Variants in IMPG1 observed in about 807,000 individuals in gnomAD.
IMPG1 encodes the protein interphotoreceptor matrix proteoglycan 1, also known as interphotoreceptor matrix proteoglycan of 150 kDa.
A neutral mutation model predicts 92.0 loss-of-function variants in IMPG1; 85 were observed. The ratio of observed to expected loss-of-function variants is 0.92; its 90% CI spans 0.78 to 1.11. The LOEUF is 1.11. Among genes scored for constraint, IMPG1 ranks in the 50% least tolerant of loss-of-function variants. IMPG1 has a pLI of 0.00. For missense variants in IMPG1, 1,022 were observed against 956.0 expected, an observed-to-expected ratio of 1.07 and a Z score of -0.91; for synonymous variants, 367 against 334.1, an observed-to-expected ratio of 1.10 and a Z score of -1.08.
intron 7 of IMPG1, among the ~76,000 whole-genome samples, chr6:76,015,619 G>A (rs1582105586): frequency 6.6e-6 from 1 of 151,762 alleles, no homozygotes; most frequent in South Asian, 2.1e-4. Context: ...TGATCAACAC[G>A]GTGAACTCCT....
At chr6:76,042,305 A>T (rs1783858830) in intron 1 of IMPG1, among the ~76,000 whole-genome samples, 179 bp from the exon 2 acceptor site, 1 of 152,150 alleles carries the variant, frequency 6.6e-6, no homozygotes, top group South Asian at 2.1e-4. Flanking sequence ...GAAATAAGAG[A>T]ATAGTATAAT....
At chr6:76,028,599 G>T (rs1398885106) in intron 4 of IMPG1, among the ~76,000 whole-genome samples, 1 of 152,190 alleles carries the variant, frequency 6.6e-6, no homozygotes, top group African/African-American at 2.4e-5. Flanking sequence ...GGAGGCCGAG[G>T]CGGGTGGATC....
At chr6:75,930,138 C>T (rs6911057) in intron 15 of IMPG1, among the ~76,000 whole-genome samples, 1 of 152,122 alleles carries the variant, frequency 6.6e-6, no homozygotes, top group African/African-American at 2.4e-5. Flanking sequence ...AATAGAGAGG[C>T]CTTTGTATCT....
At chr6:75,945,266 G>C (rs1781905349) in intron 14 of IMPG1, among the ~76,000 whole-genome samples, 2 of 151,430 alleles carry the variant, frequency 1.3e-5, no homozygotes. Context: ...ACTAGAATTT[G>C]TCAAGTGCTA....
chr6:75,939,011 T>C (rs1187671873), intron 14 of IMPG1, among the ~76,000 whole-genome samples: 2 of 152,086 alleles, frequency 1.3e-5, no homozygotes, highest in East Asian at 3.9e-4. Context: ...AACTTTTGCT[T>C]TGTGTGTGTA....
At chr6:75,979,034 T>A (rs751963959) in intron 12 of IMPG1, among the ~76,000 whole-genome samples, 4 of 152,012 alleles carry the variant, frequency 2.6e-5, no homozygotes, top group Non-Finnish European at 4.4e-5. Context: ...CACCCCAGCC[T>A]CCCAGGTAGG....
chr6:75,966,287 G>T (rs1459799904), intron 12 of IMPG1, among the ~76,000 whole-genome samples: 1 of 152,060 alleles, frequency 6.6e-6, no homozygotes, highest in African/African-American at 2.4e-5. Flanking sequence ...TAAAAATATA[G>T]ACTAAATATG....
chr6:75,922,783 G>A (rs1474499941), intron 16 of IMPG1, among the ~76,000 whole-genome samples: 2 of 151,994 alleles, frequency 1.3e-5, no homozygotes, highest in East Asian at 3.9e-4. Context: ...AAACCAAAGT[G>A]GCACACATTC....
chr6:76,062,901 G>T (rs1582138430), intron 1 of IMPG1, among the ~76,000 whole-genome samples: 2 of 149,976 alleles, frequency 1.3e-5, no homozygotes, highest in East Asian at 3.9e-4. Context: ...GGAGAGAATG[G>T]ATGCCAGTTC....
chr6:75,994,361 T>C (rs1375566272), intron 12 of IMPG1, among the ~76,000 whole-genome samples: 1 of 152,226 alleles, frequency 6.6e-6, no homozygotes, highest in Non-Finnish European at 1.5e-5. Context: ...TCCATTTACC[T>C]ATTTATCTAT....
chr6:75,930,913 A>G (rs112748181), intron 15 of IMPG1, 40 bp downstream of exon 15: 1 of 1,537,240 alleles, frequency 6.5e-7, no homozygotes, highest in Non-Finnish European at 9.0e-7. Flanking sequence ...AGTGTAAGTA[A>G]TGAGTTCTTG....
chr6:76,010,066 A>G (rs940472810), intron 8 of IMPG1, among the ~76,000 whole-genome samples: 8 of 152,264 alleles, frequency 5.3e-5, no homozygotes, highest in Admixed American at 3.3e-4. Flanking sequence ...TAAGGGTTTC[A>G]TCTTTTATAA....
chr6:75,972,165 G>A (rs1562353351), intron 12 of IMPG1, among the ~76,000 whole-genome samples: 1 of 152,054 alleles, frequency 6.6e-6, no homozygotes, highest in East Asian at 1.9e-4. Context: ...TCTTTGTTGT[G>A]CAGTACTGTC....
intron 8 of IMPG1, among the ~76,000 whole-genome samples, chr6:76,010,003 A>G (rs1783156310): frequency 6.6e-6 from 1 of 152,262 alleles, no homozygotes; most frequent in Non-Finnish European, 1.5e-5. Context: ...CACAGAAAAT[A>G]CTACCGAGCA....
intron 16 of IMPG1, among the ~76,000 whole-genome samples, 188 bp from the exon 17 acceptor site, chr6:75,922,354 C>G (rs1781444172): frequency 6.6e-6 from 1 of 152,146 alleles, no homozygotes; most frequent in Admixed American, 6.6e-5. Context: ...ACTCCATGCC[C>G]TCTTAAGCCT....
intron 14 of IMPG1, among the ~76,000 whole-genome samples, chr6:75,944,699 G>A (rs1278506140): frequency 6.6e-6 from 1 of 152,202 alleles, no homozygotes; most frequent in East Asian, 1.9e-4. Flanking sequence ...AGTGCTTAGT[G>A]TAACATTCAG....
chr6:75,947,768 A>AT (rs199691138), intron 13 of IMPG1, among the ~76,000 whole-genome samples: 2 of 151,830 alleles, frequency 1.3e-5, no homozygotes, highest in African/African-American at 4.8e-5. Flanking sequence ...GATGGCTGTG[A>AT]TTTTTTTCAT....
At chr6:76,030,879 C>G (rs1783641976) in intron 4 of IMPG1, among the ~76,000 whole-genome samples, 1 of 152,130 alleles carries the variant, frequency 6.6e-6, no homozygotes, top group South Asian at 2.1e-4. Context: ...TGGAAAAACT[C>G]CATCCAGCCT....
rs200103356 is a variant in IMPG1, at chr6:76,042,088, T to C, written c.106A>G (p.Ile36Val). ...INIYHSETKD[I>V]DNPPRNETTE... ...GTTTCATTTCTTGGGGGATTGTCTA[T>C]GTCTTTAGTTTCAGAATGGTATATG... The change falls in exon 2 of 17, where the codon ATA (isoleucine) becomes GTA (valine). Residue 36 changes from isoleucine to valine, a missense_variant. Ile to Val is a conservative substitution (Grantham distance 29). Transcript: ENST00000369950. The C allele has an allele frequency of 1.3e-5, 21 of 1,603,562 alleles. No individual in the cohort carries two copies. The African/African-American group carries it at 2.5e-4, about 19-fold the overall frequency.
Sources: gnomAD v4.1 joint callset for allele counts (sites outside exome capture counted in the v4.1 genomes callset) on GRCh38, gnomAD v4.1.1 for gene constraint, MANE v1.5 for transcripts, NCBI Gene and HGNC (gene_info 2026-07-23, HGNC 2026-07-21) for gene names.